The following EZH2 variants were observed in gnomAD, a reference collection of about 807,000 sequenced individuals.
The protein encoded by EZH2 is enhancer of zeste 2 polycomb repressive complex 2 subunit, also known as histone-lysine N-methyltransferase EZH2.
Under a neutral mutation model 98.4 loss-of-function variants are expected in EZH2, and 18 were observed. That is an observed-to-expected ratio of 0.18 (90% CI 0.13 to 0.27). EZH2 has a LOEUF of 0.27. Among genes scored for constraint, EZH2 ranks in the 10% least tolerant of loss-of-function variants. EZH2 has a pLI of 1.00. For missense variants in EZH2, 470 were observed against 935.1 expected (o/e 0.50, Z 6.49); for synonymous variants, 338 against 312.3 (o/e 1.08, Z -0.87).
intron 1 of EZH2, among the ~76,000 whole-genome samples, chr7:148,874,355 T>C (rs1270715143): frequency 6.6e-6 from 1 of 151,474 alleles, no homozygotes; most frequent in Non-Finnish European, 1.5e-5. Context: ...GCCACTGAAA[T>C]CCAGGCTGGG....
chr7:148,857,135 T>C (rs914710205), intron 1 of EZH2, among the ~76,000 whole-genome samples: 4 of 152,226 alleles, frequency 2.6e-5, no homozygotes, highest in African/African-American at 7.2e-5. Flanking sequence ...AGCCTAATCA[T>C]AAGAAAACAT....
At chr7:148,836,145 C>T (rs1810869525) in intron 3 of EZH2, among the ~76,000 whole-genome samples, 1 of 152,152 alleles carries the variant, frequency 6.6e-6, no homozygotes. Flanking sequence ...ATACTCAGCA[C>T]AGTGTCTCAA....
At chr7:148,869,679 T>G (rs1356987575) in intron 1 of EZH2, among the ~76,000 whole-genome samples, 1 of 152,228 alleles carries the variant, frequency 6.6e-6, no homozygotes, top group African/African-American at 2.4e-5. Context: ...TGAGGGAACC[T>G]AGGCAAGTTA....
chr7:148,846,699 A>G (rs561081630), intron 2 of EZH2, 101 bp from the exon 3 acceptor site: 53 of 1,042,092 alleles, frequency 5.1e-5, no homozygotes, highest in Middle Eastern at 2.1e-4. Context: ...ATCCTCAAAA[A>G]TATCAAGAAC....
chr7:148,863,045 C>A (rs2129488552), intron 1 of EZH2, among the ~76,000 whole-genome samples: 1 of 146,208 alleles, frequency 6.8e-6, no homozygotes, highest in South Asian at 2.2e-4. Flanking sequence ...GATGTCGCCA[C>A]TGCACTCCAG....
At chr7:148,841,489 C>T (rs1480452734) in intron 3 of EZH2, among the ~76,000 whole-genome samples, 1 of 152,166 alleles carries the variant, frequency 6.6e-6, no homozygotes, top group Non-Finnish European at 1.5e-5. Flanking sequence ...TATGTTCAGA[C>T]TAAGAGTAAG....
At chr7:148,864,171 AG>A (rs1818102893) in intron 1 of EZH2, among the ~76,000 whole-genome samples, 1 of 152,220 alleles carries the variant, frequency 6.6e-6, no homozygotes. Flanking sequence ...TTTCCACAAC[AG>A]TAAGATCACT....
intron 1 of EZH2, among the ~76,000 whole-genome samples, chr7:148,873,553 C>CATTT (rs1281791219): frequency 8.6e-6 from 1 of 116,508 alleles, no homozygotes; most frequent in African/African-American, 3.4e-5. Context: ...ATTTCATGCT[C>CATTT]TTCATTTTTT....
At chr7:148,866,352 C>G (rs1182393391) in intron 1 of EZH2, among the ~76,000 whole-genome samples, 1 of 151,668 alleles carries the variant, frequency 6.6e-6, no homozygotes, top group Non-Finnish European at 1.5e-5. Flanking sequence ...CTTGTGAATG[C>G]CCTTATACAA....
intron 2 of EZH2, among the ~76,000 whole-genome samples, chr7:148,846,860 G>C (rs539807748): frequency 6.7e-6 from 1 of 149,334 alleles, no homozygotes; most frequent in South Asian, 2.1e-4. Context: ...GTGTGTGTGT[G>C]TGTGTGTGTG....
intron 1 of EZH2, chr7:148,883,534 G>A (rs1821326499): frequency 6.7e-6 from 1 of 150,336 alleles, no homozygotes; most frequent in Non-Finnish European, 1.5e-5. Context: ...GCCCCAGCCC[G>A]GGGTCGGCGC....
At chr7:148,843,365 T>C (rs374554884) in intron 3 of EZH2, among the ~76,000 whole-genome samples, 21 of 152,066 alleles carry the variant, frequency 1.4e-4, no homozygotes, top group African/African-American at 4.8e-4. Flanking sequence ...AGCAAGACCC[T>C]GTCACAAAAA....
chr7:148,816,620 G>A lies in EZH2; in HGVS notation c.1505+64C>T. ...AGTAGAAACCAACAACAGCCCTTAG[G>A]AAGGGCCTTGCCTGCAGTGTCTATC... On this transcript the variant is annotated intron_variant, in intron 12 of 19. Transcript: ENST00000320356. 3 of 1,230,082 alleles carry A rather than the reference G, an allele frequency of 2.4e-6. No homozygotes were observed. In the South Asian group the frequency reaches 3.7e-5, roughly 15 times the overall value. 76.2% of individuals were successfully genotyped at this position (1,230,082 alleles called of 1,614,324 possible).
intron 3 of EZH2, among the ~76,000 whole-genome samples, chr7:148,841,826 C>T (rs939617775): frequency 3.9e-5 from 6 of 152,038 alleles, no homozygotes; most frequent in African/African-American, 1.4e-4. Context: ...TCTCCTTCAA[C>T]AAAAATGTTA....
chr7:148,809,895 C>T (rs1802553228), intron 17 of EZH2, among the ~76,000 whole-genome samples: 1 of 152,238 alleles, frequency 6.6e-6, no homozygotes, highest in Non-Finnish European at 1.5e-5. Flanking sequence ...CCCAGAACAT[C>T]AGCTATGAAA....
At chr7:148,880,653 T>C (rs1237315662) in intron 1 of EZH2, among the ~76,000 whole-genome samples, 2 of 152,212 alleles carry the variant, frequency 1.3e-5, no homozygotes, top group African/African-American at 4.8e-5. Flanking sequence ...AATCATTCCC[T>C]ATTAAAGAGG....
intron 5 of EZH2, among the ~76,000 whole-genome samples, 193 bp downstream of exon 5, chr7:148,829,535 T>C (rs1017170706): frequency 2.6e-5 from 4 of 152,212 alleles, no homozygotes; most frequent in Admixed American, 2.6e-4. Flanking sequence ...ATGATCCTCC[T>C]AACTAATTTT....
At chr7:148,844,985 C>T (rs1259518645) in intron 3 of EZH2, among the ~76,000 whole-genome samples, 1 of 151,986 alleles carries the variant, frequency 6.6e-6, no homozygotes, top group African/African-American at 2.4e-5. Flanking sequence ...AATACTCCTT[C>T]CTTATCATGA....
chr7:148,826,970 T>C (rs1459791662), intron 7 of EZH2, among the ~76,000 whole-genome samples, 194 bp downstream of exon 7: 4 of 152,260 alleles, frequency 2.6e-5, no homozygotes, highest in Non-Finnish European at 4.4e-5. Context: ...ATTATACATA[T>C]GTATTTATTC....
Sources: gnomAD v4.1 joint callset for allele counts (sites outside exome capture counted in the v4.1 genomes callset) on GRCh38, gnomAD v4.1.1 for gene constraint, MANE v1.5 for transcripts, NCBI Gene and HGNC (gene_info 2026-07-23, HGNC 2026-07-21) for gene names.